The following NR6A1 variants were observed in gnomAD, a reference collection of about 807,000 sequenced individuals.
NR6A1 encodes the protein nuclear receptor subfamily 6 group A member 1, also known as retinoic acid receptor-related testis-associated receptor.
Under a neutral mutation model 59.1 loss-of-function variants are expected in NR6A1, and 7 were observed. The ratio of observed to expected loss-of-function variants is 0.12; its 90% CI spans 0.07 to 0.22. The LOEUF (loss-of-function observed/expected upper bound fraction) is 0.22. Ranked by LOEUF, NR6A1 falls within the 10% of genes least tolerant of loss-of-function variation. NR6A1 has a pLI of 1.00. For synonymous variants in NR6A1, 243 were observed against 236.1 expected, an observed-to-expected ratio of 1.03 and a Z score of -0.27; for missense variants, 468 against 611.6, an observed-to-expected ratio of 0.77 and a Z score of 2.48.
rs1184206616 is a variant in NR6A1 at position 124,764,129 on chromosome 9, A to G, written c.100+6891T>C. On this transcript the variant is annotated intron_variant, in intron 1 of 9. Transcript: ENST00000487099. ...AACCCAGGAAGCTGAGGTTGCAGTG[A>G]GCAGAGATCGCACCGCTGCACTCCA... Among the ~76,000 whole-genome samples, 3 of 151,912 alleles carry G rather than the reference A, an allele frequency of 2.0e-5. No homozygotes were observed. In the East Asian group the frequency reaches 5.8e-4, roughly 29 times the overall value.
At chr9:124,642,618 C>T (rs914935569) in intron 2 of NR6A1, among the ~76,000 whole-genome samples, 1 of 152,034 alleles carries the variant, frequency 6.6e-6, no homozygotes, top group Admixed American at 6.6e-5. Flanking sequence ...TTCATATTGC[C>T]AAATCAACCC....
At chr9:124,727,128 T>C (rs1282364153) in intron 2 of NR6A1, among the ~76,000 whole-genome samples, 1 of 40,034 alleles carries the variant, frequency 2.5e-5, no homozygotes, top group Non-Finnish European at 5.9e-5. Context: ...CCTCCTATGT[T>C]GTCCATTCGT....
At chr9:124,731,451 A>G (rs113682376) in intron 2 of NR6A1, among the ~76,000 whole-genome samples, 3 of 152,164 alleles carry the variant, frequency 2.0e-5, no homozygotes, top group African/African-American at 7.2e-5. Flanking sequence ...AAGGCTACTC[A>G]TAAGAGAACA....
chr9:124,750,291 C>G (rs1840457946), intron 1 of NR6A1, among the ~76,000 whole-genome samples: 2 of 152,204 alleles, frequency 1.3e-5, no homozygotes, highest in African/African-American at 2.4e-5. Flanking sequence ...ACATGGAGTT[C>G]TGCTTCCATG....
chr9:124,635,300 C>T (rs997353104), intron 2 of NR6A1, among the ~76,000 whole-genome samples: 2 of 152,144 alleles, frequency 1.3e-5, no homozygotes, highest in African/African-American at 4.8e-5. Flanking sequence ...GAAATCTCAC[C>T]TTGAATTGTA....
At chr9:124,629,169 T>C (rs1423919337) in intron 2 of NR6A1, among the ~76,000 whole-genome samples, 1 of 152,160 alleles carries the variant, frequency 6.6e-6, no homozygotes, top group Non-Finnish European at 1.5e-5. Context: ...TATCCTGCAT[T>C]TTCTACTGGT....
At chr9:124,552,446 G>A (rs1241231000) in intron 3 of NR6A1, among the ~76,000 whole-genome samples, 1 of 152,182 alleles carries the variant, frequency 6.6e-6, no homozygotes, top group Non-Finnish European at 1.5e-5. Context: ...GAGTTAGAAA[G>A]ACAGGCAGGG....
intron 2 of NR6A1, among the ~76,000 whole-genome samples, chr9:124,601,109 C>T (rs963927709): frequency 4.5e-4 from 68 of 151,906 alleles, no homozygotes; most frequent in African/African-American, 1.6e-3. Flanking sequence ...AACCCCATCT[C>T]TACTAAAAAT....
At chr9:124,754,494 A>G (rs1840586555) in intron 1 of NR6A1, among the ~76,000 whole-genome samples, 1 of 152,200 alleles carries the variant, frequency 6.6e-6, no homozygotes, top group South Asian at 2.1e-4. Context: ...GCAGCTGGAG[A>G]GAGCTGAAGC....
intron 2 of NR6A1, among the ~76,000 whole-genome samples, chr9:124,678,403 G>A (rs1415574012): frequency 6.6e-6 from 1 of 152,202 alleles, no homozygotes; most frequent in Non-Finnish European, 1.5e-5. Flanking sequence ...CCTAGCTGAT[G>A]TGACATATTT....
chr9:124,625,674 C>T (rs1031307062), intron 2 of NR6A1, among the ~76,000 whole-genome samples: 4 of 152,126 alleles, frequency 2.6e-5, no homozygotes, highest in Non-Finnish European at 4.4e-5. Context: ...GGCTGGGCCA[C>T]AGGGTGCCCA....
At chr9:124,559,453 A>G (rs1348045479) in intron 2 of NR6A1, among the ~76,000 whole-genome samples, 3 of 152,194 alleles carry the variant, frequency 2.0e-5, no homozygotes, top group Admixed American at 6.5e-5. Context: ...TAGCTCATAT[A>G]TAAACCATTT....
chr9:124,592,297 G>A (rs1167556367), intron 2 of NR6A1, among the ~76,000 whole-genome samples: 1 of 152,154 alleles, frequency 6.6e-6, no homozygotes, highest in African/African-American at 2.4e-5. Context: ...AAGGGTCATG[G>A]TAGGTTTCAT....
chr9:124,533,689 G>A (rs1474154288), intron 7 of NR6A1, among the ~76,000 whole-genome samples: 1 of 149,100 alleles, frequency 6.7e-6, no homozygotes, highest in African/African-American at 2.5e-5. Context: ...TCGCTCTGTC[G>A]CCCAGGCTGG....
At chr9:124,710,256 A>G (rs1839237993) in intron 2 of NR6A1, among the ~76,000 whole-genome samples, 1 of 152,190 alleles carries the variant, frequency 6.6e-6, no homozygotes, top group Non-Finnish European at 1.5e-5. Context: ...CATTCAACGT[A>G]ACAGAAAAAC....
chr9:124,584,857 TAA>T (rs1297877809), intron 2 of NR6A1, among the ~76,000 whole-genome samples: 3 of 152,124 alleles, frequency 2.0e-5, no homozygotes, highest in African/African-American at 4.8e-5. Flanking sequence ...TCGTTAAGCT[TAA>T]TGAGGAAGGC....
intron 2 of NR6A1, among the ~76,000 whole-genome samples, chr9:124,656,158 GCCT>G (rs757388728): frequency 2.0e-5 from 3 of 152,016 alleles, no homozygotes; most frequent in Non-Finnish European, 4.4e-5. Context: ...TCTCTCTCTT[GCCT>G]CCTCCTCTCC....
intron 2 of NR6A1, among the ~76,000 whole-genome samples, chr9:124,558,293 T>C (rs1833984151): frequency 1.3e-5 from 2 of 152,172 alleles, no homozygotes. Context: ...GATCAAAGAC[T>C]AAAGGGCCAT....
At chr9:124,559,730 T>C (rs561180234) in intron 2 of NR6A1, among the ~76,000 whole-genome samples, 26 of 152,254 alleles carry the variant, frequency 1.7e-4, no homozygotes, top group Admixed American at 2.6e-4. Flanking sequence ...TGAGCCAAGA[T>C]TGCGCCACTG....
Sources: allele counts gnomAD v4.1 joint callset (sites outside exome capture counted in the v4.1 genomes callset), GRCh38; gene constraint gnomAD v4.1.1; transcripts MANE v1.5; gene names NCBI Gene and HGNC (gene_info 2026-07-23, HGNC 2026-07-21).